ZNF487: variants seen among roughly 807,000 people sequenced by gnomAD.
ZNF487 encodes zinc finger protein 487.
In ZNF487, 4 loss-of-function variants were observed where a neutral mutation model predicts 3.0. The ratio of observed to expected loss-of-function variants is 1.35; its 90% CI spans 0.66 to 3.08. The LOEUF (loss-of-function observed/expected upper bound fraction) is 3.08. ZNF487 is among the 30% of genes most tolerant of loss of function. The pLI, the probability that ZNF487 is intolerant of heterozygous loss-of-function variation, is 0.01. For synonymous variants in ZNF487, 55 were observed against 34.6 expected, an observed-to-expected ratio of 1.59 and a Z score of -2.06; for missense variants, 146 against 98.7, an observed-to-expected ratio of 1.48 and a Z score of -2.03.
the ZNF487 span, among the ~76,000 whole-genome samples, chr10:43,519,930 G>A: frequency 6.6e-6 from 1 of 152,280 alleles, no homozygotes; most frequent in African/African-American, 2.4e-5. Context: ...TCATTCTAGT[G>A]TGTATCTTTC....
chr10:43,484,077 G>A (rs1007181850), downstream of ZNF487, among the ~76,000 whole-genome samples: 2 of 150,716 alleles, frequency 1.3e-5, no homozygotes, highest in Non-Finnish European at 1.5e-5. Flanking sequence ...CCATGTTGGC[G>A]AGGCTGGTCT....
intron 1 of ZNF487, among the ~76,000 whole-genome samples, chr10:43,456,694 C>T (rs867124420): frequency 2.0e-5 from 3 of 152,118 alleles, no homozygotes; most frequent in Non-Finnish European, 4.4e-5. Context: ...GATTCTCCTG[C>T]CTCAGCCTCC....
chr10:43,483,440 AT>A (rs1841437453), downstream of ZNF487, among the ~76,000 whole-genome samples: 1 of 151,400 alleles, frequency 6.6e-6, no homozygotes. Context: ...GGGTTTCACC[AT>A]GTTGGTCAGG....
rs1167067635 is a variant in ZNF487, at chr10:43,460,997, T to TA, written c.-93-14724_-93-14723insA. On this transcript the variant is annotated intron_variant, in intron 1 of 3. Coordinates refer to ENST00000437590, the MANE Select transcript of ZNF487 (RefSeq NM_001355444.3). Reference sequence around the variant, plus strand: ...GCGTGAGCTATCACACCCGGCCTCTTCTAATATCTTAATTTTTTTTTTTTT... The same window carrying TA: ...GCGTGAGCTATCACACCCGGCCTCTTACTAATATCTTAATTTTTTTTTTTTT... 2.0e-5 allele frequency among the ~76,000 whole-genome samples: 3 copies of TA among 150,638 alleles called. No individual in the cohort carries two copies. In the East Asian group the frequency reaches 5.8e-4, roughly 29 times the overall value.
chr10:43,518,045 C>G, the ZNF487 span, among the ~76,000 whole-genome samples: 31,786 of 152,148 alleles, frequency 0.21, 5,562 homozygotes, highest in African/African-American at 0.47. Context: ...AAATGATACT[C>G]TCACTACATT....
Position 43,482,709 on chromosome 10 carries a change from A to G in ZNF487, c.*787A>G. On this transcript the variant is annotated 3_prime_UTR_variant, in exon 4 of 4. Coordinates refer to ENST00000437590, the MANE Select transcript of ZNF487 (RefSeq NM_001355444.3). The stretch of plus-strand genomic sequence containing the variant: ...AACTTTCTCCCAGAAGCCAAACTTC[A>G]TTAATCATCAGTGAACTCACACAGG... 1 of 467,048 alleles carries G rather than the reference A, an allele frequency of 2.1e-6. No homozygotes were observed. The highest frequency in any genetic ancestry group is 1.6e-5 in the South Asian group (1 of 61,554). 28.9% of individuals were successfully genotyped at this position (467,048 alleles called of 1,614,324 possible).
intron 1 of ZNF487, among the ~76,000 whole-genome samples, chr10:43,445,030 A>AT (rs572130366): frequency 4.7e-5 from 7 of 150,358 alleles, no homozygotes; most frequent in South Asian, 4.2e-4. Flanking sequence ...ATTGTTTTGG[A>AT]TTTTTTTTTC....
the ZNF487 span, among the ~76,000 whole-genome samples, chr10:43,493,245 A>AAAC: frequency 2.6e-5 from 4 of 152,206 alleles, no homozygotes; most frequent in East Asian, 1.9e-4. Flanking sequence ...ACAAACAAAC[A>AAAC]AACAACAACA....
rs1841355737 is a variant in ZNF487, at chr10:43,481,478, C to G, written c.180C>G (p.Asp60Glu). The G allele has an allele frequency of 1.4e-6, 1 of 716,956 alleles. No individual in the cohort carries two copies. Among genetic ancestry groups the G allele is most frequent in the African/African-American group, 1.7e-5 (1 of 57,214 alleles). The allele number at this position is 716,956 out of a possible 1,614,324, so 44.4% of individuals were successfully genotyped here. A position where few individuals can be genotyped will look rare whatever the true frequency, so the allele number is the denominator to read the frequency against. ...TGGAGAAGAGACAGGAAAATCAAGA[C>G]CAGCATTTGCAGAAAGTTGATTTTG... ...DLMEKRQENQ[D>E]QHLQKVDFVN... The change falls in exon 4 of 4, where the codon GAC (aspartate) becomes GAG (glutamate). Residue 60 changes from aspartate (D) to glutamate (E), a missense_variant. Coordinates refer to ENST00000437590, the MANE Select transcript of ZNF487 (RefSeq NM_001355444.3).
At chr10:43,498,104 TTTTTTTTTTC>T in the ZNF487 span, among the ~76,000 whole-genome samples, 268 of 11,640 alleles carry the variant, frequency 0.023, 11 homozygotes, top group East Asian at 0.06. Flanking sequence ...TATATATTTT[TTTTTTTTTTC>T]TTTTTTTTTT....
chr10:43,476,179 A>G lies in ZNF487; in HGVS notation c.107A>G (p.Glu36Gly), dbSNP rs773739497. The G allele has an allele frequency of 5.6e-6, 4 of 717,450 alleles. No individual in the cohort carries two copies. The highest frequency in any genetic ancestry group is 1.0e-5 in the Non-Finnish European group (4 of 385,088). The allele number at this position is 717,450 out of a possible 1,614,324, so 44.4% of individuals were successfully genotyped here. ...HGQVLWILEEESPSQSHLDCC... is the reference protein window; with the variant it reads ...HGQVLWILEEGSPSQSHLDCC... The stretch of plus-strand genomic sequence containing the variant: ...CAGGTGCTGTGGATATTAGAGGAAG[A>G]GTCCCCAAGTCAGAGCCACCTAGGT... The change falls in exon 3 of 4, where the codon GAG (glutamate) becomes GGG (glycine). Residue 36 changes from glutamate to glycine, a missense_variant. Glu to Gly is a moderately conservative substitution (Grantham distance 98, BLOSUM62 -2). Transcript: ENST00000437590.
At chr10:43,498,494 G>C in the ZNF487 span, among the ~76,000 whole-genome samples, 1 of 150,872 alleles carries the variant, frequency 6.6e-6, no homozygotes, top group Non-Finnish European at 1.5e-5. Context: ...GGCCAGGCTG[G>C]TCACGAACTC....
chr10:43,465,915 C>G (rs1046430055), intron 1 of ZNF487, among the ~76,000 whole-genome samples: 6 of 152,306 alleles, frequency 3.9e-5, no homozygotes, highest in South Asian at 4.1e-4. Context: ...ACTGAGTGAA[C>G]GAGACTCTGT....
At chr10:43,454,203 C>G (rs964405261) in intron 1 of ZNF487, 9 of 152,234 alleles carry the variant, frequency 5.9e-5, no homozygotes, top group African/African-American at 2.2e-4. Context: ...CAGGTGCAGG[C>G]TGCCACGCCC....
At chr10:43,502,744 G>T in the ZNF487 span, among the ~76,000 whole-genome samples, 1 of 152,008 alleles carries the variant, frequency 6.6e-6, no homozygotes, top group African/African-American at 2.4e-5. Flanking sequence ...ATTTAAAAAA[G>T]GGCAGGCCAG....
chr10:43,472,481 G>A (rs1268466059), intron 1 of ZNF487, among the ~76,000 whole-genome samples: 1 of 151,996 alleles, frequency 6.6e-6, no homozygotes, highest in Non-Finnish European at 1.5e-5. Context: ...GACATCTTTT[G>A]CCTGGATTAC....
At chr10:43,459,779 T>TATA (rs1212805171) in intron 1 of ZNF487, among the ~76,000 whole-genome samples, 1 of 82,412 alleles carries the variant, frequency 1.2e-5, no homozygotes, top group Non-Finnish European at 2.1e-5. Flanking sequence ...TTATTATTAT[T>TATA]ATTATTATTA....
At chr10:43,499,141 G>A in the ZNF487 span, among the ~76,000 whole-genome samples, 1 of 152,142 alleles carries the variant, frequency 6.6e-6, no homozygotes, top group African/African-American at 2.4e-5. Context: ...ATGAACAAAT[G>A]CTAAAATAAG....
intron 1 of ZNF487, among the ~76,000 whole-genome samples, chr10:43,446,335 G>C (rs1309364952): frequency 6.6e-6 from 1 of 151,124 alleles, no homozygotes; most frequent in Non-Finnish European, 1.5e-5. Context: ...GGGTGGCCGG[G>C]CGGAGACTCT....
Sources: gnomAD v4.1 joint callset for allele counts (sites outside exome capture counted in the v4.1 genomes callset) on GRCh38, gnomAD v4.1.1 for gene constraint, MANE v1.5 for transcripts, NCBI Gene and HGNC (gene_info 2026-07-23, HGNC 2026-07-21) for gene names.